ZAN: variants seen among roughly 807,000 people sequenced by gnomAD.
ZAN encodes zonadhesin, also known as zonadhesin (gene/pseudogene).
ZAN carries 260 observed loss-of-function variants against 286.2 expected under a neutral mutation model. The observed-to-expected ratio is 0.91, with a 90% CI of 0.82 to 1.01. The LOEUF (loss-of-function observed/expected upper bound fraction) is 1.01, where lower values mean the gene tolerates loss of function less well. ZAN is among the 50% of genes least tolerant of loss of function. The pLI is 0.00. For missense variants in ZAN, 3,410 were observed against 3,639.2 expected, an observed-to-expected ratio of 0.94 and a Z score of 1.62; for synonymous variants, 1,368 against 1,417.5, an observed-to-expected ratio of 0.97 and a Z score of 0.79.
At chr7:100,770,231 G>A (rs527517502) in intron 28 of ZAN, among the ~76,000 whole-genome samples, 29 of 151,552 alleles carry the variant, frequency 1.9e-4, no homozygotes, top group African/African-American at 6.5e-4. Flanking sequence ...TAGGCTGGGC[G>A]CAGTGGCTCA....
At chr7:100,794,295 A>T in intron 44 of ZAN, 37 bp downstream of exon 44, 1 of 1,561,130 alleles carries the variant, frequency 6.4e-7, no homozygotes. Context: ...AAGCTGCCCC[A>T]TGCCCTGGGG....
At chr7:100,772,637 C>T (rs557027738) in intron 29 of ZAN, among the ~76,000 whole-genome samples, 85 of 151,434 alleles carry the variant, frequency 5.6e-4, no homozygotes, top group Non-Finnish European at 1.0e-3. Context: ...CTGGCTAACA[C>T]GGAGAAACCC....
chr7:100,754,471 A>T (rs1192833116), intron 14 of ZAN, among the ~76,000 whole-genome samples: 2 of 152,046 alleles, frequency 1.3e-5, no homozygotes, highest in South Asian at 2.1e-4. Context: ...AAAATTAAAA[A>T]TAAAAATAAA....
rs553966447 is a variant in ZAN at position 100,775,365 on chromosome 7, C to A, written c.5817C>A (p.Tyr1939Ter). The A allele has an allele frequency of 6.2e-7, 1 of 1,613,668 alleles. No individual in the cohort carries two copies. The highest frequency in any genetic ancestry group is 1.3e-5 in the African/African-American group (1 of 75,038). The change falls in exon 32 of 48, where the codon TAC (tyrosine) becomes TAA (stop). Residue 1939 changes from tyrosine (Y) to a stop codon, truncating the protein, a stop_gained. Coordinates refer to ENST00000613979, the MANE Select transcript of ZAN (RefSeq NM_003386.3). LOFTEE classifies it high-confidence loss of function. ...GVCQLPGESH[Y>*]VSFDGSNHSI... ...GTCAGCTCCCAGGGGAGTCCCACTACGTGAGCTTTGATGGTAGTAACCATT... is the reference window on the plus strand; with the variant it reads ...GTCAGCTCCCAGGGGAGTCCCACTAAGTGAGCTTTGATGGTAGTAACCATT...
At chr7:100,788,684 G>C (rs754966868) in intron 38 of ZAN, among the ~76,000 whole-genome samples, 1 of 152,058 alleles carries the variant, frequency 6.6e-6, no homozygotes, top group African/African-American at 2.4e-5. Context: ...AAGAACCAAT[G>C]GCATCCACTA....
intron 16 of ZAN, 41 bp downstream of exon 16, chr7:100,758,384 T>A (rs766698566): frequency 6.2e-7 from 1 of 1,604,074 alleles, no homozygotes; most frequent in African/African-American, 1.3e-5. Context: ...TGCCAGCCAG[T>A]TGGAGTAGAC....
Position 100,773,511 on chromosome 7 carries a change from AG to A in ZAN, c.5634+22del, listed in dbSNP as rs1297843375. On this transcript the variant is annotated intron_variant, in intron 30 of 47. Transcript: ENST00000613979. Reference sequence around the variant, plus strand: ...ACCACCCGGTGAGAGGCCAGCTAGGAGGGGCCCCGCCCTTTCCAGGCCCACA... The same window carrying A: ...ACCACCCGGTGAGAGGCCAGCTAGGAGGGCCCCGCCCTTTCCAGGCCCACA... 8.1e-6 allele frequency: 13 copies of A among 1,611,606 alleles called. No homozygotes were observed. Among genetic ancestry groups the A allele is most frequent in the African/African-American group, 1.3e-5 (1 of 74,852 alleles).
In ZAN at chr7:100,758,535, C is replaced by T; in HGVS notation, c.3456C>T (p.Gly1152=). Residue 1152 remains glycine (G), a synonymous_variant, in exon 17 of 48, where the codon GGC becomes GGT. Transcript: ENST00000613979. ...TGTTCTCCTTCCCCCTCCCAGCAGG[C>T]ACTGCCACCTGCTTGGTCTACGGAG... is the stretch of plus-strand genomic sequence containing the variant. ...NGQYGCHPYA[G]TATCLVYGDP... 4 of 1,558,544 alleles carry T rather than the reference C, an allele frequency of 2.6e-6. No individual in the cohort carries two copies. In the East Asian group the frequency reaches 7.2e-5, roughly 28 times the overall value.
In ZAN at chr7:100,752,136, C is replaced by T. The variant is rs768418870; in HGVS notation, c.2031C>T (p.Ile677=). 4 of 1,610,840 alleles carry T rather than the reference C, an allele frequency of 2.5e-6. No individual in the cohort carries two copies. In the African/African-American group the frequency reaches 4.1e-5, roughly 16 times the overall value. The change falls in exon 14 of 48, where the codon ATC becomes ATT. Residue 677 remains isoleucine (I), a synonymous_variant. Coordinates refer to ENST00000613979, the MANE Select transcript of ZAN (RefSeq NM_003386.3). ...ETTTSMEEPV[I]PTEKPSIPTE... is the part of the protein sequence containing the mutation. Reference sequence around the variant, plus strand: ...CCACCTCCATGGAAGAGCCTGTCATCCCTACAGAAAAACCCAGCATCCCTA... The same window carrying T: ...CCACCTCCATGGAAGAGCCTGTCATTCCTACAGAAAAACCCAGCATCCCTA...
intron 11 of ZAN, among the ~76,000 whole-genome samples, chr7:100,749,654 ATATAT>A (rs1562921356): frequency 1.1e-4 from 9 of 80,454 alleles, no homozygotes; most frequent in Non-Finnish European, 1.1e-4. Context: ...AAAAAAAAAT[ATATAT>A]ATATATATAT....
rs192012828 is a variant in ZAN, at chr7:100,795,054, T to C, written c.8126-142T>C. The C allele has an allele frequency of 6.2e-3, 6,464 of 1,036,322 alleles. 63 individuals carry two copies. The highest frequency in any genetic ancestry group is 0.056 in the Middle Eastern group (170 of 3,034). The allele number at this position is 1,036,322 out of a possible 1,614,324, so 64.2% of individuals were successfully genotyped here. A position where few individuals can be genotyped will look rare whatever the true frequency, so the allele number is the denominator to read the frequency against. The stretch of plus-strand genomic sequence containing the variant: ...AAGCCCAGGGCTAGTGAGGCAGGGT[T>C]GGGAGCCAGGCTGGCTGACCCCTGG... On this transcript the variant is annotated intron_variant, in intron 44 of 47. Transcript: ENST00000613979.
chr7:100,778,784 G>A (rs1810987618), intron 34 of ZAN, among the ~76,000 whole-genome samples: 1 of 152,022 alleles, frequency 6.6e-6, no homozygotes, highest in East Asian at 1.9e-4. Flanking sequence ...TGATATCTCA[G>A]CACTTCGCGA....
chr7:100,789,105 A>G, intron 38 of ZAN, 113 bp from the exon 39 acceptor site: 1 of 1,421,362 alleles, frequency 7.0e-7, no homozygotes, highest in Non-Finnish European at 9.4e-7. Flanking sequence ...ATCTTATTCC[A>G]CTCTCTGCAC....
Position 100,744,742 on chromosome 7 carries a change from C to G in ZAN, c.767-1796C>G, listed in dbSNP as rs1411180647. On this transcript the variant is annotated intron_variant, in intron 7 of 47. Coordinates refer to ENST00000613979, the MANE Select transcript of ZAN (RefSeq NM_003386.3). ...CCGCGCCCAGCAGCTTCAGTAAATGCTGGTTGGCTTTTTATTTTTCCTTTC... is the reference window on the plus strand; with the variant it reads ...CCGCGCCCAGCAGCTTCAGTAAATGGTGGTTGGCTTTTTATTTTTCCTTTC... Among the ~76,000 whole-genome samples the G allele has an allele frequency of 1.3e-5, 2 of 151,524 alleles. 1 individual carries two copies. Among genetic ancestry groups the G allele is most frequent in the Non-Finnish European group, 2.9e-5 (2 of 67,904 alleles).
At chr7:100,775,217 C>A in intron 31 of ZAN, 111 bp from the exon 32 acceptor site, 1 of 1,463,540 alleles carries the variant, frequency 6.8e-7, no homozygotes, top group South Asian at 1.4e-5. Context: ...ACAGCCGGAC[C>A]TGGGGTCTTG....
chr7:100,776,586 C>G, intron 34 of ZAN, 22 bp downstream of exon 34: 1 of 1,500,510 alleles, frequency 6.7e-7, no homozygotes, highest in Non-Finnish European at 8.9e-7. Flanking sequence ...CTAAGACCCT[C>G]TAGGTTTTCT....
At chr7:100,792,982 C>CAA (rs1232116032) in intron 42 of ZAN, among the ~76,000 whole-genome samples, 14 of 50,990 alleles carry the variant, frequency 2.7e-4, no homozygotes, top group Non-Finnish European at 5.4e-4. Context: ...CATCCTATCT[C>CAA]AAAAAAAAAA....
intron 15 of ZAN, among the ~76,000 whole-genome samples, chr7:100,757,304 C>CTACT (rs1391747322): frequency 6.6e-6 from 1 of 152,026 alleles, no homozygotes; most frequent in African/African-American, 2.4e-5. Flanking sequence ...TTAGTACTTT[C>CTACT]TACTCTGCTG....
Position 100,762,300 on chromosome 7 carries a change from G to A in ZAN, c.3928G>A (p.Ala1310Thr), listed in dbSNP as rs1809645876. The change falls in exon 20 of 48, where the codon GCA (alanine) becomes ACA (threonine). Residue 1310 changes from alanine to threonine, a missense_variant. By Grantham distance (58) the Ala-to-Thr change is moderately conservative. Around this residue, in one of 7 missense-constraint regions of ZAN, gnomAD observed 1,042 missense variants for 1,058.0 expected, o/e 0.98. Coordinates refer to ENST00000613979, the MANE Select transcript of ZAN (RefSeq NM_003386.3). The stretch of plus-strand genomic sequence containing the variant: ...CCACCTGAAGTTGGACGGCAGCCCA[G>A]CAGGAGACAAGGAGGAGCTGGGGAA... Reference protein sequence around the residue: ...NDHLKLDGSPAGDKEELGNSW... With the variant: ...NDHLKLDGSPTGDKEELGNSW... 2 of 1,613,588 alleles carry A rather than the reference G, an allele frequency of 1.2e-6. No homozygotes were observed. The highest frequency in any genetic ancestry group is 2.7e-5 in the African/African-American group (2 of 74,874).
Sources: allele counts gnomAD v4.1 joint callset (sites outside exome capture counted in the v4.1 genomes callset), GRCh38; gene constraint gnomAD v4.1.1; regional missense constraint gnomAD v4.1.1; transcripts MANE v1.5; gene names NCBI Gene and HGNC (gene_info 2026-07-23, HGNC 2026-07-21).